MAP3K5: variants seen among roughly 807,000 people sequenced by gnomAD.
MAP3K5 encodes the protein mitogen-activated protein kinase kinase kinase 5.
A neutral mutation model predicts 158.7 loss-of-function variants in MAP3K5; 56 were observed. The ratio of observed to expected loss-of-function variants is 0.35; its 90% CI spans 0.28 to 0.44. The LOEUF (loss-of-function observed/expected upper bound fraction) is 0.44. Ranked by LOEUF, MAP3K5 falls within the 20% of genes least tolerant of loss-of-function variation. The pLI, the probability that MAP3K5 is intolerant of heterozygous loss-of-function variation, is 1.00. For synonymous variants in MAP3K5, 579 were observed against 601.7 expected (o/e 0.96, Z 0.55); for missense variants, 1,294 against 1,674.8 (o/e 0.77, Z 3.97).
In MAP3K5 at chr6:136,669,309, T is replaced by G. The variant is rs778951135; in HGVS notation, c.1340A>C (p.Glu447Ala). 1 of 1,613,664 alleles carries G rather than the reference T, an allele frequency of 6.2e-7. No homozygotes were observed. The highest frequency in any genetic ancestry group is 8.5e-7 in the Non-Finnish European group (1 of 1,179,630). ...VLLLAAGHQF[E>A]SSFELRKVGV... ...AACTTTCCGGAGCTCAAAGGAAGAT[T>G]CAAACTGGTGTCCAGCTGCCAGGAG... The change falls in exon 8 of 30, where the codon GAA (glutamate) becomes GCA (alanine). Residue 447 changes from glutamate to alanine, a missense_variant. Coordinates refer to ENST00000359015, the MANE Select transcript of MAP3K5 (RefSeq NM_005923.4).
intron 1 of MAP3K5, among the ~76,000 whole-genome samples, chr6:136,725,396 C>A (rs1376930880): frequency 6.6e-6 from 1 of 152,196 alleles, no homozygotes; most frequent in Admixed American, 6.5e-5. Flanking sequence ...TAAAGCCAGT[C>A]TAATAGGTAT....
At chr6:136,648,219 T>C (rs1447251284) in intron 11 of MAP3K5, among the ~76,000 whole-genome samples, 2 of 152,210 alleles carry the variant, frequency 1.3e-5, no homozygotes, top group Non-Finnish European at 2.9e-5. Flanking sequence ...TGTTTTTCCA[T>C]ACAATTGACA....
chr6:136,580,548 G>A, intron 24 of MAP3K5, 142 bp from the exon 25 acceptor site: 2 of 526,918 alleles, frequency 3.8e-6, no homozygotes, highest in Non-Finnish European at 3.5e-6. Context: ...TTATGTCATT[G>A]GAAAACAAAG....
chr6:136,786,415 C>G (rs1784846519), intron 1 of MAP3K5, among the ~76,000 whole-genome samples: 1 of 151,610 alleles, frequency 6.6e-6, no homozygotes, highest in African/African-American at 2.4e-5. Context: ...TGGAAAGCTT[C>G]CCATTTGGGA....
chr6:136,583,883 G>C, intron 23 of MAP3K5, 143 bp from the exon 24 acceptor site: 2 of 669,766 alleles, frequency 3.0e-6, no homozygotes, highest in Admixed American at 3.3e-5. Context: ...GGCTGGTCTC[G>C]AACTCCTGGG....
At chr6:136,758,799 A>G (rs1299770591) in intron 1 of MAP3K5, among the ~76,000 whole-genome samples, 1 of 152,254 alleles carries the variant, frequency 6.6e-6, no homozygotes, top group Non-Finnish European at 1.5e-5. Flanking sequence ...ATAAAAATGT[A>G]TTTTGAGTTT....
intron 1 of MAP3K5, among the ~76,000 whole-genome samples, chr6:136,791,196 C>G (rs17065629): frequency 1.2e-3 from 176 of 152,164 alleles, no homozygotes; most frequent in African/African-American, 4.0e-3. Context: ...TAAAACTTAT[C>G]GAAGGTAAGG....
At chr6:136,558,898 C>T in intron 28 of MAP3K5, 22 bp from the exon 29 acceptor site, 2 of 1,228,884 alleles carry the variant, frequency 1.6e-6, no homozygotes, top group Non-Finnish European at 2.4e-6. Context: ...GTAGAATATG[C>T]ACAAAAGATG....
chr6:136,676,793 CTTTT>C (rs67161871), intron 7 of MAP3K5, among the ~76,000 whole-genome samples: 4 of 130,714 alleles, frequency 3.1e-5, no homozygotes, highest in Admixed American at 2.3e-4. Flanking sequence ...CTTTTCTTTT[CTTTT>C]TTTTTTTTTT....
rs1296624484 is a variant in MAP3K5, at chr6:136,698,700, A to T, written c.613-18T>A. 6.3e-7 allele frequency: 1 copy of T among 1,596,522 alleles called. No individual in the cohort carries two copies. Reference sequence around the variant, plus strand: ...GTGCACATCTGCGGAGAGAGGAGGCATCGGCAAGTGGGGAGCTGGCCTGGA... The same window carrying T: ...GTGCACATCTGCGGAGAGAGGAGGCTTCGGCAAGTGGGGAGCTGGCCTGGA... On this transcript the variant is annotated intron_variant, in intron 3 of 29. Coordinates refer to ENST00000359015, the MANE Select transcript of MAP3K5 (RefSeq NM_005923.4).
At chr6:136,627,361 T>TTCCAAAG (rs932359563) in intron 14 of MAP3K5, among the ~76,000 whole-genome samples, 3 of 152,182 alleles carry the variant, frequency 2.0e-5, no homozygotes, top group Non-Finnish European at 4.4e-5. Context: ...ACAGTGAACT[T>TTCCAAAG]TCCAAAGTCC....
At chr6:136,665,587 CCACCCG>C (rs534497876) in intron 8 of MAP3K5, among the ~76,000 whole-genome samples, 86 of 152,270 alleles carry the variant, frequency 5.6e-4, no homozygotes, top group African/African-American at 2.0e-3. Flanking sequence ...CTCAGGTAAT[CCACCCG>C]CCTCCGCCTC....
At chr6:136,704,522 G>T (rs1270790085) in intron 3 of MAP3K5, among the ~76,000 whole-genome samples, 2 of 152,070 alleles carry the variant, frequency 1.3e-5, no homozygotes, top group Admixed American at 1.3e-4. Flanking sequence ...CCACAACATT[G>T]AATACACTAT....
rs919575944 is a variant in MAP3K5 at position 136,697,404 on chromosome 6, C to T, written c.807-17G>A. Reference sequence around the variant, plus strand: ...AAGTACTGGCTGGTAAAAACACACACATTTCAAAGAGTTTGACATTAGAAA... The same window carrying T: ...AAGTACTGGCTGGTAAAAACACACATATTTCAAAGAGTTTGACATTAGAAA... On this transcript the variant is annotated splice_polypyrimidine_tract_variant and intron_variant, in intron 4 of 29. Transcript: ENST00000359015. 3 of 1,575,504 alleles carry T rather than the reference C, an allele frequency of 1.9e-6. No homozygotes were observed. Among genetic ancestry groups the T allele is most frequent in the East Asian group, 2.3e-5 (1 of 44,004 alleles).
intron 18 of MAP3K5, among the ~76,000 whole-genome samples, chr6:136,607,516 A>G (rs1163529881): frequency 9.2e-5 from 14 of 152,262 alleles, no homozygotes; most frequent in Non-Finnish European, 4.4e-5. Flanking sequence ...ACGAAGCTGG[A>G]TAATGAAGAT....
intron 25 of MAP3K5, chr6:136,579,880 C>G (rs971105921): frequency 4.4e-6 from 2 of 456,566 alleles, no homozygotes; most frequent in Non-Finnish European, 8.8e-6. Flanking sequence ...GCTTTGAAAG[C>G]TGTAATTTTA....
intron 11 of MAP3K5, chr6:136,648,033 T>C (rs1300368699): frequency 6.6e-6 from 1 of 152,196 alleles, no homozygotes; most frequent in African/African-American, 2.4e-5. Context: ...GTTAGAAATG[T>C]TGCTGATGGG....
intron 21 of MAP3K5, among the ~76,000 whole-genome samples, chr6:136,596,806 C>T (rs984997338): frequency 6.6e-6 from 1 of 152,186 alleles, no homozygotes; most frequent in Non-Finnish European, 1.5e-5. Context: ...TAAGTTATGA[C>T]GATTTCCAGG....
At chr6:136,749,968 AAAC>A (rs1246573150) in intron 1 of MAP3K5, among the ~76,000 whole-genome samples, 3 of 152,170 alleles carry the variant, frequency 2.0e-5, no homozygotes. Context: ...ATAAACCCGC[AAAC>A]AACCAGTCAT....
Sources: gnomAD v4.1 joint callset for allele counts (sites outside exome capture counted in the v4.1 genomes callset) on GRCh38, gnomAD v4.1.1 for gene constraint, MANE v1.5 for transcripts, NCBI Gene and HGNC (gene_info 2026-07-23, HGNC 2026-07-21) for gene names.